GALNT13: variants seen among roughly 807,000 people sequenced by gnomAD.
GALNT13 encodes UDP-GalNAc:polypeptide N-acetylgalactosaminyltransferase 13.
GALNT13 carries 28 observed loss-of-function variants against 64.2 expected under a neutral mutation model. The ratio of observed to expected loss-of-function variants is 0.44; its 90% CI spans 0.32 to 0.60. The LOEUF (loss-of-function observed/expected upper bound fraction) is 0.60, where lower values mean the gene tolerates loss of function less well. Among genes scored for constraint, GALNT13 ranks in the 20% least tolerant of loss-of-function variants. The pLI is 0.05. For synonymous variants in GALNT13, 214 were observed against 224.6 expected (o/e 0.95, Z 0.42); for missense variants, 577 against 669.8 (o/e 0.86, Z 1.53).
At chr2:154,224,641 A>G (rs140211054) in intron 4 of GALNT13, among the ~76,000 whole-genome samples, 8 of 152,162 alleles carry the variant, frequency 5.3e-5, no homozygotes, top group South Asian at 4.1e-4. Flanking sequence ...GAGGTTTAAT[A>G]TATGATAAAA....
the GALNT13 span, among the ~76,000 whole-genome samples, chr2:153,500,074 C>T: frequency 1.3e-5 from 2 of 152,174 alleles, no homozygotes; most frequent in African/African-American, 4.8e-5. Context: ...CTGCTGCTGC[C>T]ATCAATCCCT....
At chr2:153,853,490 T>C in the GALNT13 span, among the ~76,000 whole-genome samples, 1 of 152,072 alleles carries the variant, frequency 6.6e-6, no homozygotes, top group Admixed American at 6.5e-5. Context: ...ATAAATTATA[T>C]AGCTGAATGT....
At chr2:153,740,273 A>G in the GALNT13 span, among the ~76,000 whole-genome samples, 2 of 151,764 alleles carry the variant, frequency 1.3e-5, no homozygotes, top group Non-Finnish European at 2.9e-5. Context: ...GGCACTGTTC[A>G]CTCTTTATAA....
chr2:153,910,846 G>A (rs564440277), intron 2 of GALNT13, among the ~76,000 whole-genome samples: 2 of 152,292 alleles, frequency 1.3e-5, no homozygotes, highest in Admixed American at 6.5e-5. Context: ...GTCCTATTGT[G>A]TGGTTGATTT....
At chr2:153,132,320 C>T in the GALNT13 span, among the ~76,000 whole-genome samples, 1 of 152,122 alleles carries the variant, frequency 6.6e-6, no homozygotes, top group Non-Finnish European at 1.5e-5. Flanking sequence ...CCTCCTACTC[C>T]AGGTCTCAGC....
At chr2:154,338,554 A>G (rs1472420884) in intron 9 of GALNT13, among the ~76,000 whole-genome samples, 2 of 152,130 alleles carry the variant, frequency 1.3e-5, no homozygotes, top group East Asian at 3.9e-4. Context: ...ATGACACACC[A>G]TGCAGGGCCA....
the GALNT13 span, among the ~76,000 whole-genome samples, chr2:153,353,319 A>G: frequency 1.3e-5 from 2 of 152,150 alleles, no homozygotes; most frequent in African/African-American, 4.8e-5. Flanking sequence ...CAACCTTGCT[A>G]TAATCTCTTA....
At chr2:153,861,559 C>CTTT in the GALNT13 span, among the ~76,000 whole-genome samples, 155 of 118,144 alleles carry the variant, frequency 1.3e-3, no homozygotes, top group East Asian at 5.3e-3. Context: ...TTCTTTCTTT[C>CTTT]TTTTTTTTTT....
At chr2:153,948,664 A>C (rs1301714327) in intron 3 of GALNT13, among the ~76,000 whole-genome samples, 1 of 152,272 alleles carries the variant, frequency 6.6e-6, no homozygotes, top group Non-Finnish European at 1.5e-5. Context: ...ACTATGGAAT[A>C]CTATGCGCCA....
At chr2:154,419,179 G>A (rs573878881) in intron 11 of GALNT13, among the ~76,000 whole-genome samples, 45 of 152,118 alleles carry the variant, frequency 3.0e-4, no homozygotes, top group African/African-American at 1.1e-3. Context: ...CCTAATTCAA[G>A]AAAATTATAT....
At chr2:154,333,712 T>C (rs1256510393) in intron 9 of GALNT13, among the ~76,000 whole-genome samples, 1 of 152,094 alleles carries the variant, frequency 6.6e-6, no homozygotes, top group Non-Finnish European at 1.5e-5. Flanking sequence ...CAATGACTAA[T>C]AGCAATTATA....
chr2:153,539,407 T>C, the GALNT13 span, among the ~76,000 whole-genome samples: 2 of 152,122 alleles, frequency 1.3e-5, no homozygotes, highest in Non-Finnish European at 2.9e-5. Context: ...TTAGATCCCA[T>C]TTGTCAACTT....
chr2:153,153,170 T>C, the GALNT13 span, among the ~76,000 whole-genome samples: 4 of 152,174 alleles, frequency 2.6e-5, no homozygotes, highest in African/African-American at 9.7e-5. Context: ...GTTGAGCTTT[T>C]TTCATATGAT....
rs767346981 is a variant in GALNT13, at chr2:154,040,877, G to T, written c.142+96238G>T. On this transcript the variant is annotated intron_variant, in intron 3 of 12. Transcript: ENST00000392825. ...TATTATTTTTCTGATTTATGGCTCA[G>T]ACCTATTCATTATTATTCCTTAGAT... 6.9e-4 allele frequency among the ~76,000 whole-genome samples: 97 copies of T among 139,714 alleles called. 20 individuals are homozygous for T. Among genetic ancestry groups the T allele is most frequent in the Non-Finnish European group, 1.3e-3 (76 of 60,800 alleles). The allele number at this position is 139,714 out of a possible 152,430, so 91.7% of individuals were successfully genotyped here.
the GALNT13 span, among the ~76,000 whole-genome samples, chr2:153,137,207 T>C: frequency 2.6e-5 from 4 of 152,098 alleles, no homozygotes; most frequent in Admixed American, 2.6e-4. Context: ...AAAGGAATTA[T>C]TGGTAAAGAA....
chr2:153,191,184 A>C, the GALNT13 span, among the ~76,000 whole-genome samples: 1 of 152,122 alleles, frequency 6.6e-6, no homozygotes, highest in Non-Finnish European at 1.5e-5. Context: ...GCTTTTTCCC[A>C]TTCAGTATGA....
intron 2 of GALNT13, among the ~76,000 whole-genome samples, chr2:153,917,938 A>G (rs1225947311): frequency 6.6e-6 from 1 of 151,784 alleles, no homozygotes; most frequent in Middle Eastern, 3.2e-3. Flanking sequence ...TTCTAGTAAA[A>G]TGCAGCTAGC....
chr2:153,980,344 G>A (rs1213706411), intron 3 of GALNT13, among the ~76,000 whole-genome samples: 1 of 152,156 alleles, frequency 6.6e-6, no homozygotes, highest in Non-Finnish European at 1.5e-5. Flanking sequence ...AAATACGTTA[G>A]AGAGCATGAA....
chr2:154,224,961 T>C (rs901931444), intron 4 of GALNT13, among the ~76,000 whole-genome samples: 3 of 152,052 alleles, frequency 2.0e-5, no homozygotes, highest in Middle Eastern at 3.2e-3. Context: ...TTTCCAGATA[T>C]GTCGCAGATG....
Sources: gnomAD v4.1 joint callset for allele counts (sites outside exome capture counted in the v4.1 genomes callset) on GRCh38, gnomAD v4.1.1 for gene constraint, MANE v1.5 for transcripts, NCBI Gene and HGNC (gene_info 2026-07-23, HGNC 2026-07-21) for gene names.